The following ANGPT1 variants were observed in gnomAD, a reference collection of about 807,000 sequenced individuals.
ANGPT1 encodes the protein angiopoietin-1.
Under a neutral mutation model 62.2 loss-of-function variants are expected in ANGPT1, and 17 were observed. The observed-to-expected ratio is 0.27, with a 90% confidence interval of 0.19 to 0.41. The LOEUF is 0.41. ANGPT1 is among the 10% of genes least tolerant of loss of function. ANGPT1 has a pLI of 1.00. For synonymous variants in ANGPT1, 199 were observed against 198.9 expected (o/e 1.00, Z 0.00); for missense variants, 478 against 594.9 (o/e 0.80, Z 2.04).
chr8:107,384,450 C>CAA (rs5893856), intron 1 of ANGPT1, among the ~76,000 whole-genome samples: 1 of 150,768 alleles, frequency 6.6e-6, no homozygotes, highest in African/African-American at 2.4e-5. Flanking sequence ...GTGTTAATTA[C>CAA]AAAAAAAAAA....
intron 1 of ANGPT1, among the ~76,000 whole-genome samples, chr8:107,407,301 A>T (rs1485759798): frequency 2.6e-5 from 4 of 150,952 alleles, no homozygotes; most frequent in Non-Finnish European, 4.4e-5. Context: ...GCAGCCCTTT[A>T]TAAAATGATA....
chr8:107,400,732 G>A (rs1422586628), intron 1 of ANGPT1, among the ~76,000 whole-genome samples: 1 of 151,826 alleles, frequency 6.6e-6, no homozygotes. Flanking sequence ...GCTAATTTCT[G>A]TATTTTTAGT....
At chr8:107,444,019 A>G (rs1177343341) in intron 1 of ANGPT1, among the ~76,000 whole-genome samples, 1 of 152,158 alleles carries the variant, frequency 6.6e-6, no homozygotes, top group Non-Finnish European at 1.5e-5. Flanking sequence ...ATGTCATTAA[A>G]TGTGTTCAAG....
chr8:107,419,012 A>T (rs917898597), intron 1 of ANGPT1, among the ~76,000 whole-genome samples: 3 of 152,176 alleles, frequency 2.0e-5, no homozygotes, highest in Non-Finnish European at 1.5e-5. Context: ...CAGTATCCTA[A>T]AGCCAAGAAC....
At chr8:107,328,025 T>C (rs1815330152) in intron 3 of ANGPT1, among the ~76,000 whole-genome samples, 1 of 152,008 alleles carries the variant, frequency 6.6e-6, no homozygotes, top group Non-Finnish European at 1.5e-5. Context: ...CACAATAGAG[T>C]TCTTAACATA....
chr8:107,344,036 G>A (rs1815751610), intron 2 of ANGPT1, among the ~76,000 whole-genome samples: 1 of 152,110 alleles, frequency 6.6e-6, no homozygotes, highest in African/African-American at 2.4e-5. Context: ...ACTCCAGCCT[G>A]GGTGACAGAG....
intron 1 of ANGPT1, among the ~76,000 whole-genome samples, chr8:107,363,522 G>A (rs1816211097): frequency 6.6e-6 from 1 of 152,186 alleles, no homozygotes; most frequent in African/African-American, 2.4e-5. Context: ...TTAGCTCTAA[G>A]CTGGCAACTG....
At chr8:107,431,418 A>C (rs1380447372) in intron 1 of ANGPT1, among the ~76,000 whole-genome samples, 2 of 152,210 alleles carry the variant, frequency 1.3e-5, no homozygotes, top group Non-Finnish European at 2.9e-5. Flanking sequence ...AACTGAGGAC[A>C]GATCCAGAAC....
intron 2 of ANGPT1, among the ~76,000 whole-genome samples, chr8:107,346,057 T>C (rs920711035): frequency 6.6e-6 from 1 of 152,194 alleles, no homozygotes; most frequent in Non-Finnish European, 1.5e-5. Flanking sequence ...ATAAAAACCA[T>C]GTGTGCACGG....
intron 1 of ANGPT1, among the ~76,000 whole-genome samples, chr8:107,451,254 A>C (rs970697983): frequency 3.3e-5 from 5 of 151,956 alleles, no homozygotes; most frequent in Admixed American, 2.6e-4. Flanking sequence ...AGGAAGGGTT[A>C]AAAATGAAGA....
chr8:107,276,297 A>G (rs566172119), intron 7 of ANGPT1, among the ~76,000 whole-genome samples: 2 of 152,194 alleles, frequency 1.3e-5, no homozygotes, highest in East Asian at 1.9e-4. Context: ...TTGAAAACCT[A>G]TGTTAGGAAT....
intron 1 of ANGPT1, among the ~76,000 whole-genome samples, chr8:107,453,722 T>C (rs887678095): frequency 6.6e-6 from 1 of 152,064 alleles, no homozygotes; most frequent in African/African-American, 2.4e-5. Context: ...TGTTTGGCTA[T>C]TTATCATAAA....
chr8:107,339,197 T>C (rs2445360), intron 2 of ANGPT1, among the ~76,000 whole-genome samples: 132,002 of 152,150 alleles, frequency 0.87, 57,769 homozygotes, highest in East Asian at 0.99. Context: ...ACCTCAAGTC[T>C]ATTTGTCACA....
intron 2 of ANGPT1, among the ~76,000 whole-genome samples, chr8:107,341,430 T>C (rs921125551): frequency 3.3e-5 from 5 of 151,946 alleles, no homozygotes; most frequent in Non-Finnish European, 7.4e-5. Context: ...AATGGACTAT[T>C]AAATCTTGAA....
intron 1 of ANGPT1, among the ~76,000 whole-genome samples, chr8:107,406,402 T>C (rs1817148670): frequency 6.6e-6 from 1 of 151,966 alleles, no homozygotes; most frequent in African/African-American, 2.4e-5. Flanking sequence ...AATAAGTATT[T>C]TAAAAAAATT....
intron 1 of ANGPT1, among the ~76,000 whole-genome samples, chr8:107,406,885 C>A (rs1243790641): frequency 2.3e-4 from 33 of 141,804 alleles, no homozygotes; most frequent in Admixed American, 2.8e-4. Flanking sequence ...ATTAAATCCT[C>A]AAAAAAAAAA....
chr8:107,389,003 T>A (rs983503556), intron 1 of ANGPT1, among the ~76,000 whole-genome samples: 1 of 152,208 alleles, frequency 6.6e-6, no homozygotes, highest in Non-Finnish European at 1.5e-5. Context: ...GAAATACATT[T>A]ATTCACACAG....
chr8:107,399,727 C>A (rs571580343), intron 1 of ANGPT1, among the ~76,000 whole-genome samples: 63 of 152,148 alleles, frequency 4.1e-4, no homozygotes, highest in African/African-American at 1.5e-3. Flanking sequence ...GAACATGAAT[C>A]CTGATAATTC....
chr8:107,467,449 A>G (rs1230745306), intron 1 of ANGPT1, among the ~76,000 whole-genome samples: 1 of 152,082 alleles, frequency 6.6e-6, no homozygotes, highest in Non-Finnish European at 1.5e-5. Context: ...TTAGCTTAAA[A>G]TAAAACAAAA....
Sources: gnomAD v4.1 joint callset for allele counts (sites outside exome capture counted in the v4.1 genomes callset) on GRCh38, gnomAD v4.1.1 for gene constraint, MANE v1.5 for transcripts, NCBI Gene and HGNC (gene_info 2026-07-23, HGNC 2026-07-21) for gene names.